Variants in MAP1LC3C observed in about 807,000 individuals in gnomAD.
MAP1LC3C encodes the protein microtubule associated protein 1 light chain 3 gamma.
A neutral mutation model predicts 10.4 loss-of-function variants in MAP1LC3C; 12 were observed. The ratio of observed to expected loss-of-function variants is 1.15; its 90% CI spans 0.74 to 1.86. MAP1LC3C has a LOEUF of 1.86. Ranked by LOEUF, MAP1LC3C falls within the 40% of genes most tolerant of loss-of-function variation. MAP1LC3C has a pLI of 0.00. For synonymous variants in MAP1LC3C, 70 were observed against 69.0 expected (o/e 1.01, Z -0.07); for missense variants, 177 against 185.7 (o/e 0.95, Z 0.27).
At position 241,995,939 on chromosome 1, in the gene MAP1LC3C, T is replaced by G; in HGVS notation, c.*224A>C. The G allele has an allele frequency of 2.3e-6, 1 of 439,112 alleles. No homozygotes were observed. Among genetic ancestry groups the G allele is most frequent in the Non-Finnish European group, 4.1e-6 (1 of 245,678 alleles). The allele number at this position is 439,112 out of a possible 1,614,324, so 27.2% of individuals were successfully genotyped here. A position where few individuals can be genotyped will look rare whatever the true frequency, so the allele number is the denominator to read the frequency against. On this transcript the variant is annotated 3_prime_UTR_variant, in exon 4 of 4. Transcript: ENST00000357246. ...GTTTCAAAAAAAAAAAAATGATAAT[T>G]ATATAACTTTCAAGAGCAGCCCACA...
At chr1:241,997,855 G>A (rs1558179115) in intron 3 of MAP1LC3C, among the ~76,000 whole-genome samples, 1 of 151,992 alleles carries the variant, frequency 6.6e-6, no homozygotes, top group Non-Finnish European at 1.5e-5. Context: ...TCTCTGCAAC[G>A]GACGCGCAGA....
upstream of MAP1LC3C, among the ~76,000 whole-genome samples, chr1:241,999,654 C>G (rs1242127783): frequency 6.6e-6 from 1 of 152,090 alleles, no homozygotes; most frequent in African/African-American, 2.4e-5. Flanking sequence ...ACTAAAAATA[C>G]AAAAATTAGC....
intron 3 of MAP1LC3C, among the ~76,000 whole-genome samples, chr1:241,997,074 T>C (rs1665100658): frequency 6.6e-6 from 1 of 151,832 alleles, no homozygotes; most frequent in South Asian, 2.1e-4. Flanking sequence ...AATTTTTGTA[T>C]TTTTAGTAGA....
In MAP1LC3C at chr1:241,998,638, C is replaced by G; in HGVS notation, c.115-18G>C. 1 of 1,608,012 alleles carries G rather than the reference C, an allele frequency of 6.2e-7. No individual in the cohort carries two copies. Among genetic ancestry groups the G allele is most frequent in the Non-Finnish European group, 8.5e-7 (1 of 1,176,830 alleles). ...ACTACCACCTGTCAAGAGTGTCAGTCCTTAAGAATGTGACTCAGCGTGAGT... is the reference window on the plus strand; with the variant it reads ...ACTACCACCTGTCAAGAGTGTCAGTGCTTAAGAATGTGACTCAGCGTGAGT... On this transcript the variant is annotated intron_variant, in intron 2 of 3. Transcript: ENST00000357246.
chr1:241,998,693 C>T, intron 2 of MAP1LC3C, 73 bp from the exon 3 acceptor site: 1 of 1,608,884 alleles, frequency 6.2e-7, no homozygotes, highest in South Asian at 1.1e-5. Flanking sequence ...CAGAGGGAAG[C>T]TGTTGGCTGC....
upstream of MAP1LC3C, among the ~76,000 whole-genome samples, chr1:242,000,956 G>T (rs1665184399): frequency 6.6e-6 from 1 of 152,106 alleles, no homozygotes; most frequent in African/African-American, 2.4e-5. Context: ...GGGACTGCTA[G>T]CCGTCAGTCA....
intron 3 of MAP1LC3C, among the ~76,000 whole-genome samples, chr1:241,998,026 T>TC (rs1447659437): frequency 2.5e-5 from 1 of 39,884 alleles, no homozygotes; most frequent in East Asian, 7.0e-4. Flanking sequence ...TAATTCTTTT[T>TC]TTTTTTTTTT....
chr1:241,999,240 C>T (rs1452100175), upstream of MAP1LC3C, among the ~76,000 whole-genome samples: 1 of 152,118 alleles, frequency 6.6e-6, no homozygotes, highest in Non-Finnish European at 1.5e-5. Flanking sequence ...GCTTGCTGGT[C>T]AGAGAAAGCC....
rs924919986 is a variant in MAP1LC3C at position 241,998,632 on chromosome 1, G to A, written c.115-12C>T. ...CGCTCCACTACCACCTGTCAAGAGT[G>A]TCAGTCCTTAAGAATGTGACTCAGC... On this transcript the variant is annotated splice_polypyrimidine_tract_variant and intron_variant, in intron 2 of 3. Coordinates refer to ENST00000357246, the MANE Select transcript of MAP1LC3C (RefSeq NM_001004343.3). 6.2e-7 allele frequency: 1 copy of A among 1,608,868 alleles called. No homozygotes were observed. The highest frequency in any genetic ancestry group is 2.2e-5 in the East Asian group (1 of 44,840).
rs368258296 is a variant in MAP1LC3C at position 241,998,171 on chromosome 1, C to T, written c.221+343G>A. On this transcript the variant is annotated intron_variant, in intron 3 of 3. Coordinates refer to ENST00000357246, the MANE Select transcript of MAP1LC3C (RefSeq NM_001004343.3). The stretch of plus-strand genomic sequence containing the variant: ...CCAAGTAGCTAGGATTACAGGCACC[C>T]GCCACCACGCCTAGCTAATTTTTGT... Among the ~76,000 whole-genome samples the T allele has an allele frequency of 2.0e-3, 301 of 151,722 alleles. 1 individual carries two copies. Among genetic ancestry groups the T allele is most frequent in the South Asian group, 0.012 (59 of 4,786 alleles).
In MAP1LC3C at chr1:241,998,829, T is replaced by C. The variant is rs1665140552; in HGVS notation, c.61A>G (p.Ile21Val). The C allele has an allele frequency of 6.2e-7, 1 of 1,613,946 alleles. No homozygotes were observed. Among genetic ancestry groups the C allele is most frequent in the Admixed American group, 1.7e-5 (1 of 59,968 alleles). Reference sequence around the variant, plus strand: ...ATTCCAGCAACTTCCTCTTGTCTGATTGCTGTGAATATTTCAAGCACAAGA... The same window carrying C: ...ATTCCAGCAACTTCCTCTTGTCTGACTGCTGTGAATATTTCAAGCACAAGA... ...RPFKQRKSLA[I>V]RQEEVAGIRA... The change falls in exon 2 of 4, where the codon ATC (isoleucine) becomes GTC (valine). Residue 21 changes from isoleucine (I) to valine (V), a missense_variant and splice_region_variant. Physicochemically the swap from Ile to Val is conservative, Grantham distance 29 (BLOSUM62 3). Coordinates refer to ENST00000357246, the MANE Select transcript of MAP1LC3C (RefSeq NM_001004343.3).
chr1:242,001,386 G>A (rs1441020395), upstream of MAP1LC3C, among the ~76,000 whole-genome samples: 1 of 152,136 alleles, frequency 6.6e-6, no homozygotes, highest in Admixed American at 6.6e-5. Flanking sequence ...GGCGGAGGTG[G>A]GCAGATCACC....
upstream of MAP1LC3C, among the ~76,000 whole-genome samples, chr1:242,001,232 G>C (rs948691538): frequency 1.3e-5 from 2 of 152,060 alleles, no homozygotes; most frequent in African/African-American, 4.8e-5. Flanking sequence ...AGCTGAGATT[G>C]TGCCACTGCA....
intron 3 of MAP1LC3C, among the ~76,000 whole-genome samples, chr1:241,997,296 T>C (rs1039970925): frequency 6.6e-6 from 1 of 152,134 alleles, no homozygotes; most frequent in Non-Finnish European, 1.5e-5. Flanking sequence ...AGAATGCTCT[T>C]AACTCAGTAA....
chr1:242,000,799 A>G (rs892734258), upstream of MAP1LC3C, among the ~76,000 whole-genome samples: 1 of 152,160 alleles, frequency 6.6e-6, no homozygotes, highest in Admixed American at 6.5e-5. Flanking sequence ...TTATGTAAGC[A>G]AGATTGATTA....
At chr1:242,000,697 C>T (rs960725283), upstream of MAP1LC3C, among the ~76,000 whole-genome samples, 45 of 152,102 alleles carry the variant, frequency 3.0e-4, no homozygotes, top group African/African-American at 1.1e-3. Context: ...AGATGCATAG[C>T]GAGGTATGGG....
upstream of MAP1LC3C, among the ~76,000 whole-genome samples, chr1:242,000,498 A>G (rs28886093): frequency 0.17 from 26,060 of 152,060 alleles, 2,396 homozygotes; most frequent in Middle Eastern, 0.34. Flanking sequence ...AAGAGCTGGG[A>G]TCTCATGCGT....
intron 3 of MAP1LC3C, 137 bp downstream of exon 3, chr1:241,998,377 G>A (rs28408563): frequency 0.93 from 629,678 of 674,076 alleles, 295,415 homozygotes; most frequent in Non-Finnish European, 0.97. Context: ...AATCTAAAAG[G>A]TGACTTCAAA....
upstream of MAP1LC3C, among the ~76,000 whole-genome samples, chr1:241,999,384 A>C (rs369506325): frequency 2.0e-5 from 3 of 152,222 alleles, no homozygotes; most frequent in East Asian, 5.8e-4. Context: ...TTCAGTAGCA[A>C]GGGGGGGTCC....
Sources: allele counts gnomAD v4.1 joint callset (sites outside exome capture counted in the v4.1 genomes callset), GRCh38; gene constraint gnomAD v4.1.1; transcripts MANE v1.5; gene names NCBI Gene and HGNC (gene_info 2026-07-23, HGNC 2026-07-21).